LNPEP: variants seen among roughly 807,000 people sequenced by gnomAD.
LNPEP encodes leucyl-cystinyl aminopeptidase.
A neutral mutation model predicts 120.6 loss-of-function variants in LNPEP; 64 were observed. The ratio of observed to expected loss-of-function variants is 0.53; its 90% confidence interval spans 0.43 to 0.65. The LOEUF is 0.65. Among genes scored for constraint, LNPEP ranks in the 30% least tolerant of loss-of-function variants. The probability of loss-of-function intolerance (pLI) is 0.00; values close to 1 mark genes in which losing one functional copy is unlikely to be tolerated. For synonymous variants in LNPEP, 435 were observed against 425.4 expected, an observed-to-expected ratio of 1.02 and a Z score of -0.28; for missense variants, 1,057 against 1,200.0, an observed-to-expected ratio of 0.88 and a Z score of 1.76.
At chr5:96,994,101 C>T (rs1167619827) in intron 6 of LNPEP, 130 bp downstream of exon 6, 3 of 723,270 alleles carry the variant, frequency 4.1e-6, no homozygotes, top group Non-Finnish European at 6.7e-6. Flanking sequence ...TAGAAAGATG[C>T]TTTTTAAACA....
intron 6 of LNPEP, among the ~76,000 whole-genome samples, chr5:96,994,337 C>T (rs992679631): frequency 1.3e-5 from 2 of 152,156 alleles, no homozygotes; most frequent in African/African-American, 2.4e-5. Context: ...ATCTCTTTTT[C>T]CCCCTCAGTA....
chr5:96,938,759 T>G (rs1277601190), intron 1 of LNPEP, among the ~76,000 whole-genome samples: 1 of 152,230 alleles, frequency 6.6e-6, no homozygotes, highest in East Asian at 1.9e-4. Context: ...TGGATCTTAG[T>G]GCTAGGAATT....
intron 1 of LNPEP, among the ~76,000 whole-genome samples, chr5:96,969,616 T>G (rs1789812716): frequency 6.6e-6 from 1 of 152,014 alleles, no homozygotes; most frequent in Non-Finnish European, 1.5e-5. Context: ...TATGTGTGGA[T>G]TTTTGGGCCA....
chr5:97,008,370 A>ATTTTTTTTTTTTTTTTTTTTTTTTTCT (rs1790843083), intron 11 of LNPEP, among the ~76,000 whole-genome samples: 1 of 33,876 alleles, frequency 3.0e-5, no homozygotes. Flanking sequence ...TTTTTTTTTG[A>ATTTTTTTTTTTTTTTTTTTTTTTTTCT]GTTGGAGTCT....
chr5:96,993,896 G>A lies in LNPEP; in HGVS notation c.1332G>A (p.Leu444=). Residue 444 remains leucine (L), a synonymous_variant, in exon 6 of 18, where the codon CTG becomes CTA. Coordinates refer to ENST00000231368, the MANE Select transcript of LNPEP (RefSeq NM_005575.3). ...TCACCTTCCGAGAGGAGACACTTCT[G>A]TATGACAGTAACACTTCTTCAATGG... The part of the protein sequence containing the change: ...GLLTFREETL[L]YDSNTSSMAD... 1.9e-6 allele frequency: 3 copies of A among 1,613,884 alleles called. No individual in the cohort carries two copies. Among genetic ancestry groups the A allele is most frequent in the Non-Finnish European group, 2.5e-6 (3 of 1,179,834 alleles).
At chr5:96,968,488 G>A (rs1466656698) in intron 1 of LNPEP, among the ~76,000 whole-genome samples, 1 of 151,766 alleles carries the variant, frequency 6.6e-6, no homozygotes, top group Non-Finnish European at 1.5e-5. Flanking sequence ...AAGTCTTCTG[G>A]GTTATTTTTT....
rs1268314775 is a variant in LNPEP, at chr5:97,032,835, G to T, written c.*4302G>T. ...CTTATTGTTCGCATGGACAATAACT[G>T]ACAGAGTAGTCCTAGTTGCTGTTGT... On this transcript the variant is annotated 3_prime_UTR_variant, in exon 18 of 18. Coordinates refer to ENST00000231368, the MANE Select transcript of LNPEP (RefSeq NM_005575.3). 2 of 152,192 alleles carry T rather than the reference G, an allele frequency of 1.3e-5. No individual in the cohort carries two copies. Among genetic ancestry groups the T allele is most frequent in the Non-Finnish European group, 2.9e-5 (2 of 68,038 alleles). 9.4% of individuals were successfully genotyped at this position (152,192 alleles called of 1,614,324 possible). A position where few individuals can be genotyped will look rare whatever the true frequency, so the allele number is the denominator to read the frequency against.
intron 12 of LNPEP, among the ~76,000 whole-genome samples, 162 bp downstream of exon 12, chr5:97,013,993 T>TAA (rs1180347823): frequency 6.6e-6 from 1 of 152,144 alleles, no homozygotes; most frequent in African/African-American, 2.4e-5. Flanking sequence ...AGGGACTTTA[T>TAA]AAAACATTAG....
chr5:96,949,653 A>G (rs1789277986), intron 1 of LNPEP, among the ~76,000 whole-genome samples: 1 of 152,196 alleles, frequency 6.6e-6, no homozygotes, highest in Admixed American at 6.5e-5. Flanking sequence ...AGAAAATGCA[A>G]TATGCAGCAC....
At position 97,006,207 on chromosome 5, in the gene LNPEP, G is replaced by A; in HGVS notation, c.1920G>A (p.Lys640=). The A allele has an allele frequency of 1.2e-6, 2 of 1,603,920 alleles. No individual in the cohort carries two copies. Among genetic ancestry groups the A allele is most frequent in the Non-Finnish European group, 1.7e-6 (2 of 1,176,652 alleles). Residue 640 remains lysine, a synonymous_variant, in exon 10 of 18, where the codon AAG becomes AAA. Coordinates refer to ENST00000231368, the MANE Select transcript of LNPEP (RefSeq NM_005575.3). The part of the protein sequence containing the change: ...IQQERFFLNM[K]PEIQPSDTSY... ...AAGAGAGATTCTTTTTAAATATGAA[G>A]CCTGAAATTCAGCCTTCAGATACAA...
chr5:96,972,808 T>G (rs1471945823), intron 1 of LNPEP, among the ~76,000 whole-genome samples: 1 of 152,138 alleles, frequency 6.6e-6, no homozygotes, highest in African/African-American at 2.4e-5. Flanking sequence ...GCTCATGGAC[T>G]GAATCATTGC....
intron 1 of LNPEP, among the ~76,000 whole-genome samples, chr5:96,975,508 G>A (rs1382231759): frequency 6.6e-6 from 1 of 152,050 alleles, no homozygotes; most frequent in Non-Finnish European, 1.5e-5. Flanking sequence ...CACTGCTACT[G>A]ACATAGTTAA....
At chr5:96,969,276 T>A (rs1005086212) in intron 1 of LNPEP, among the ~76,000 whole-genome samples, 2 of 151,848 alleles carry the variant, frequency 1.3e-5, no homozygotes, top group Non-Finnish European at 2.9e-5. Flanking sequence ...TAACTTTTGA[T>A]GAGCTCATAA....
chr5:96,996,323 G>A lies in LNPEP; in HGVS notation c.1408-67G>A, dbSNP rs147599413. 52 of 851,650 alleles carry A rather than the reference G, an allele frequency of 6.1e-5. 1 individual carries two copies. In the East Asian group the frequency reaches 9.0e-4, roughly 15 times the overall value. The allele number at this position is 851,650 out of a possible 1,614,324, so 52.8% of individuals were successfully genotyped here. On this transcript the variant is annotated intron_variant, in intron 6 of 17. Transcript: ENST00000231368. The stretch of plus-strand genomic sequence containing the variant: ...TATAGATAATTAATATGACACTTCA[G>A]CCAATTATTTAAAAAATTCCTGAGG...
At chr5:97,023,048 C>T (rs180944843) in intron 14 of LNPEP, among the ~76,000 whole-genome samples, 7 of 151,862 alleles carry the variant, frequency 4.6e-5, no homozygotes, top group African/African-American at 1.5e-4. Flanking sequence ...AAACTCTGTA[C>T]CCATTGAATA....
chr5:96,939,376 A>G (rs1467239171), intron 1 of LNPEP, among the ~76,000 whole-genome samples: 1 of 151,780 alleles, frequency 6.6e-6, no homozygotes, highest in Non-Finnish European at 1.5e-5. Context: ...ACCATGCCCA[A>G]ATAATTTTTG....
At chr5:97,002,102 G>T (rs1219266114) in intron 8 of LNPEP, among the ~76,000 whole-genome samples, 1 of 152,136 alleles carries the variant, frequency 6.6e-6, no homozygotes, top group Non-Finnish European at 1.5e-5. Flanking sequence ...TCGCACCACT[G>T]CACTCCAGCC....
intron 2 of LNPEP, among the ~76,000 whole-genome samples, chr5:96,983,542 T>C (rs1201911214): frequency 6.6e-6 from 1 of 152,120 alleles, no homozygotes; most frequent in Non-Finnish European, 1.5e-5. Flanking sequence ...GCCTCCCAGG[T>C]GCAAGCGATT....
At chr5:96,978,447 A>G (rs1389956069) in intron 1 of LNPEP, among the ~76,000 whole-genome samples, 3 of 152,230 alleles carry the variant, frequency 2.0e-5, no homozygotes, top group Non-Finnish European at 4.4e-5. Flanking sequence ...ATCTTTTTAA[A>G]AATCATTTCT....
Sources: gnomAD v4.1 joint callset for allele counts (sites outside exome capture counted in the v4.1 genomes callset) on GRCh38, gnomAD v4.1.1 for gene constraint, MANE v1.5 for transcripts, NCBI Gene and HGNC (gene_info 2026-07-23, HGNC 2026-07-21) for gene names.